Variants in ANKS1A observed in about 807,000 individuals in gnomAD.
ANKS1A encodes ankyrin repeat and sterile alpha motif domain containing 1A, also known as ankyrin repeat and SAM domain-containing protein 1A.
Under a neutral mutation model 120.3 loss-of-function variants are expected in ANKS1A, and 55 were observed. The observed-to-expected ratio is 0.46, with a 90% CI of 0.37 to 0.57. The LOEUF is 0.57. Ranked by LOEUF, ANKS1A falls within the 20% of genes least tolerant of loss-of-function variation. The pLI is 0.00. For synonymous variants in ANKS1A, 590 were observed against 604.7 expected, an observed-to-expected ratio of 0.98 and a Z score of 0.36; for missense variants, 1,123 against 1,480.3, an observed-to-expected ratio of 0.76 and a Z score of 3.96.
intron 1 of ANKS1A, among the ~76,000 whole-genome samples, chr6:34,943,912 G>T (rs1172497746): frequency 6.6e-6 from 1 of 152,216 alleles, no homozygotes; most frequent in African/African-American, 2.4e-5. Flanking sequence ...ATACCCAGGA[G>T]CATGATTACT....
intron 13 of ANKS1A, among the ~76,000 whole-genome samples, chr6:35,077,230 G>A (rs562995543): frequency 6.6e-6 from 1 of 152,276 alleles, no homozygotes; most frequent in South Asian, 2.1e-4. Flanking sequence ...AACAGGCCTA[G>A]ACACGACACT....
intron 9 of ANKS1A, among the ~76,000 whole-genome samples, chr6:34,992,196 A>T (rs1296972763): frequency 2.6e-5 from 4 of 152,190 alleles, no homozygotes; most frequent in Non-Finnish European, 5.9e-5. Flanking sequence ...ACCTTGGACA[A>T]GTCCCCAGAC....
In ANKS1A at chr6:35,061,609, G is replaced by A. The variant is rs529164890; in HGVS notation, c.2184+1356G>A. ...CACCCAGAGCCATCTCCAACTCCAG[G>A]GCAAAAGATACTGTGGTGTGCAACA... On this transcript the variant is annotated intron_variant, in intron 13 of 23. Coordinates refer to ENST00000360359, the MANE Select transcript of ANKS1A (RefSeq NM_015245.3). 1.3e-4 allele frequency among the ~76,000 whole-genome samples: 20 copies of A among 152,330 alleles called. 1 individual carries two copies. The South Asian group carries it at 3.9e-3, about 30-fold the overall frequency.
At chr6:34,950,525 G>A (rs1199668714) in intron 1 of ANKS1A, among the ~76,000 whole-genome samples, 1 of 152,026 alleles carries the variant, frequency 6.6e-6, no homozygotes, top group African/African-American at 2.4e-5. Flanking sequence ...CACCGCGCCC[G>A]GCCAGGAAGA....
chr6:34,943,482 G>C (rs1261713853), intron 1 of ANKS1A, among the ~76,000 whole-genome samples: 1 of 152,106 alleles, frequency 6.6e-6, no homozygotes, highest in African/African-American at 2.4e-5. Flanking sequence ...TAGTTCTATG[G>C]ATTTTGACAA....
Position 35,091,247 on chromosome 6 carries a change from G to A in ANKS1A, c.*2638G>A. 1 of 985,860 alleles carries A rather than the reference G, an allele frequency of 1.0e-6. No homozygotes were observed. Among genetic ancestry groups the A allele is most frequent in the Non-Finnish European group, 1.2e-6 (1 of 829,948 alleles). The allele number at this position is 985,860 out of a possible 1,614,324, so 61.1% of individuals were successfully genotyped here. On this transcript the variant is annotated 3_prime_UTR_variant, in exon 24 of 24. Transcript: ENST00000360359. ...ATTTTGTCTGAATTATAAACACTTT[G>A]AGGTACCAAACATAACCAATCTGTG...
chr6:35,055,838 G>A lies in ANKS1A; in HGVS notation c.2077+1673G>A, dbSNP rs1776197936. Reference sequence around the variant, plus strand: ...TTCGTCAGTCTTGGATTATGCTGGAGTCTGCAGAGGTGGCTTTCCTGGCTA... The same window carrying A: ...TTCGTCAGTCTTGGATTATGCTGGAATCTGCAGAGGTGGCTTTCCTGGCTA... On this transcript the variant is annotated intron_variant, in intron 12 of 23. Coordinates refer to ENST00000360359, the MANE Select transcript of ANKS1A (RefSeq NM_015245.3). Among the ~76,000 whole-genome samples the A allele has an allele frequency of 2.0e-5, 3 of 152,200 alleles. No homozygotes were observed. The South Asian group carries it at 6.2e-4, about 32-fold the overall frequency.
At chr6:34,895,167 G>C (rs1767008412) in intron 1 of ANKS1A, among the ~76,000 whole-genome samples, 1 of 148,760 alleles carries the variant, frequency 6.7e-6, no homozygotes, top group African/African-American at 2.5e-5. Flanking sequence ...TGTAAAGAAA[G>C]CTTCCTAATA....
In ANKS1A at chr6:35,086,325, G is replaced by T. The variant is rs150043621; in HGVS notation, c.3303+389G>T. ...TACTGTCACACCTGCACCACCCACC[G>T]TCCTTCCTACCTACCGCTGCCATCT... On this transcript the variant is annotated intron_variant, in intron 22 of 23. Transcript: ENST00000360359. The surrounding 1 kb of genome is among the most constrained non-coding windows in gnomAD (Gnocchi z 5.1). The T allele has an allele frequency of 7.7e-7, 1 of 1,303,132 alleles. No individual in the cohort carries two copies. The highest frequency in any genetic ancestry group is 1.5e-5 in the African/African-American group (1 of 66,396). 80.7% of individuals were successfully genotyped at this position (1,303,132 alleles called of 1,614,324 possible). A position where few individuals can be genotyped will look rare whatever the true frequency, so the allele number is the denominator to read the frequency against.
intron 11 of ANKS1A, among the ~76,000 whole-genome samples, chr6:35,026,028 A>T (rs1192692081): frequency 6.6e-6 from 1 of 152,164 alleles, no homozygotes; most frequent in Non-Finnish European, 1.5e-5. Context: ...TTATGTTACA[A>T]ACTGAAAGCT....
intron 1 of ANKS1A, among the ~76,000 whole-genome samples, chr6:34,912,736 G>T (rs1270363882): frequency 6.6e-6 from 1 of 151,576 alleles, no homozygotes; most frequent in African/African-American, 2.4e-5. Context: ...TGATACTGTG[G>T]TTAGATGGTC....
intron 1 of ANKS1A, among the ~76,000 whole-genome samples, chr6:34,951,773 A>G (rs2127493621): frequency 6.6e-6 from 1 of 152,352 alleles, no homozygotes; most frequent in African/African-American, 2.4e-5. Context: ...ACCTTAAGTA[A>G]CAGACTTTGT....
intron 12 of ANKS1A, among the ~76,000 whole-genome samples, chr6:35,055,658 T>C (rs1269120436): frequency 1.3e-5 from 2 of 152,214 alleles, no homozygotes; most frequent in African/African-American, 4.8e-5. Flanking sequence ...AAATCATTAC[T>C]TACTCATATC....
chr6:34,978,242 C>T (rs1052845221), intron 3 of ANKS1A, among the ~76,000 whole-genome samples: 1 of 152,134 alleles, frequency 6.6e-6, no homozygotes, highest in African/African-American at 2.4e-5. Context: ...AGGCATAAGC[C>T]ACCGCACCCA....
chr6:35,054,687 C>T (rs1776122264), intron 12 of ANKS1A, among the ~76,000 whole-genome samples: 1 of 152,248 alleles, frequency 6.6e-6, no homozygotes, highest in African/African-American at 2.4e-5. Context: ...ACCATTCTTA[C>T]ACTGTATCAC....
chr6:35,034,172 C>A (rs1359236420), intron 11 of ANKS1A, among the ~76,000 whole-genome samples: 2 of 152,182 alleles, frequency 1.3e-5, no homozygotes, highest in African/African-American at 4.8e-5. Context: ...TTTGCTTTCT[C>A]CTTTTCAAGG....
chr6:34,950,742 C>T (rs1226394471), intron 1 of ANKS1A, among the ~76,000 whole-genome samples: 1 of 146,552 alleles, frequency 6.8e-6, no homozygotes, highest in East Asian at 2.1e-4. Context: ...ACTTAGACAT[C>T]AACAGTGGAG....
At chr6:34,935,736 A>G (rs1769214073) in intron 1 of ANKS1A, among the ~76,000 whole-genome samples, 1 of 152,230 alleles carries the variant, frequency 6.6e-6, no homozygotes, top group African/African-American at 2.4e-5. Context: ...GAACCTTGAA[A>G]GAAAGAGGGT....
At position 35,088,672 on chromosome 6, in the gene ANKS1A, A is replaced by G; in HGVS notation, c.*63A>G. 6.2e-7 allele frequency: 1 copy of G among 1,613,128 alleles called. No homozygotes were observed. The highest frequency in any genetic ancestry group is 8.5e-7 in the Non-Finnish European group (1 of 1,179,544). ...CGTGGGGGCATAGGCTCCCACTGCC[A>G]CCACCGCCATCGCCTCACCTGCAGC... On this transcript the variant is annotated 3_prime_UTR_variant, in exon 24 of 24. Coordinates refer to ENST00000360359, the MANE Select transcript of ANKS1A (RefSeq NM_015245.3).
Sources: gnomAD v4.1 joint callset for allele counts (sites outside exome capture counted in the v4.1 genomes callset) on GRCh38, gnomAD v4.1.1 for gene constraint, Gnocchi (gnomAD v3.1) non-coding constraint, MANE v1.5 for transcripts, NCBI Gene and HGNC (gene_info 2026-07-23, HGNC 2026-07-21) for gene names.